Variants in LRRC9 observed in about 807,000 individuals in gnomAD.
LRRC9 encodes the protein leucine-rich repeat-containing protein 9.
A neutral mutation model predicts 63.2 loss-of-function variants in LRRC9; 122 were observed. The observed-to-expected ratio is 1.93, with a 90% CI of 1.67 to 2.24. The LOEUF (loss-of-function observed/expected upper bound fraction) is 2.24, where lower values mean the gene tolerates loss of function less well. LRRC9 is among the 30% of genes most tolerant of loss of function. The pLI is 0.00. For missense variants in LRRC9, 1,071 were observed against 627.7 expected, an observed-to-expected ratio of 1.71 and a Z score of -7.55; for synonymous variants, 366 against 213.1, an observed-to-expected ratio of 1.72 and a Z score of -6.25.
Position 59,942,478 on chromosome 14 carries a change from C to T in LRRC9, c.727-2111C>T, listed in dbSNP as rs1339670890. 6.6e-6 allele frequency among the ~76,000 whole-genome samples: 1 copy of T among 152,086 alleles called. No individual in the cohort carries two copies. ...TTCTACTACCAGCGTATGAGAGTTC[C>T]GTTTTCTGGGCCCAGGTGGGCGGAT... On this transcript the variant is annotated intron_variant, in intron 7 of 31. Transcript: ENST00000445360. The surrounding 1 kb of genome is among the most constrained non-coding windows in gnomAD (Gnocchi z 5.3).
At chr14:60,007,481 G>C (rs1261111449) in intron 22 of LRRC9, among the ~76,000 whole-genome samples, 1 of 152,066 alleles carries the variant, frequency 6.6e-6, no homozygotes, top group African/African-American at 2.4e-5. Flanking sequence ...ATTTCCCTTA[G>C]GATGAATTCC....
chr14:59,951,961 G>T (rs958950330), intron 8 of LRRC9, among the ~76,000 whole-genome samples: 5 of 151,828 alleles, frequency 3.3e-5, no homozygotes, highest in Non-Finnish European at 7.4e-5. Flanking sequence ...TTGTTTGTCT[G>T]TGCCCTGCCC....
In LRRC9 at chr14:60,021,670, G is replaced by A. The variant is rs923774494; in HGVS notation, c.3567-1064G>A. ...AGTTAATGTTTGTGTATGTTGTGAG[G>A]TAGGAGTGAGGTCTAAATCTATTTT... On this transcript the variant is annotated intron_variant, in intron 26 of 31. Coordinates refer to ENST00000445360, the Ensembl canonical transcript of LRRC9. 6.6e-5 allele frequency among the ~76,000 whole-genome samples: 10 copies of A among 151,980 alleles called. No individual in the cohort carries two copies. In the South Asian group the frequency reaches 8.3e-4, roughly 13 times the overall value.
chr14:60,019,096 G>A, intron 25 of LRRC9, 25 bp from the exon 26 acceptor site: 1 of 647,744 alleles, frequency 1.5e-6, no homozygotes, highest in East Asian at 2.8e-5. Context: ...TAGGATTTCT[G>A]ATTAATAAGA....
At chr14:60,002,293 T>A (rs1254511780) in intron 20 of LRRC9, among the ~76,000 whole-genome samples, 193 bp downstream of exon 20, 1 of 152,208 alleles carries the variant, frequency 6.6e-6, no homozygotes, top group Non-Finnish European at 1.5e-5. Context: ...ACCGTATCGT[T>A]AACTTTAGTC....
chr14:59,975,102 CATATATATATGT>C (rs1886029312), intron 13 of LRRC9, among the ~76,000 whole-genome samples: 1 of 9,630 alleles, frequency 1.0e-4, no homozygotes, highest in African/African-American at 1.6e-4. Context: ...TATATATATA[CATATATATATGT>C]ATATATATAT....
chr14:59,967,269 C>T (rs1373059037), intron 12 of LRRC9, 56 bp downstream of exon 12: 4 of 514,194 alleles, frequency 7.8e-6, no homozygotes, highest in African/African-American at 3.8e-5. Flanking sequence ...GGAGCTCTGC[C>T]GCTGGTTAAG....
In LRRC9 at chr14:60,041,104, C is replaced by T. The variant is rs555393266; in HGVS notation, c.3990+9041C>T. Among the ~76,000 whole-genome samples the T allele has an allele frequency of 7.9e-5, 12 of 152,002 alleles. No homozygotes were observed. In the South Asian group the frequency reaches 1.5e-3, roughly 18 times the overall value. ...TATTGGTCCCCACTCTCTTCTGGCT[C>T]GTACAGTTTCTGCTGAGAGATCCAC... On this transcript the variant is annotated intron_variant, in intron 29 of 31. Coordinates refer to ENST00000445360, the Ensembl canonical transcript of LRRC9.
At position 59,919,820 on chromosome 14, in the gene LRRC9, A is replaced by C. The variant is rs939182602; in HGVS notation, c.-97A>C. The C allele has an allele frequency of 1.3e-5, 2 of 152,392 alleles. No homozygotes were observed. The highest frequency in any genetic ancestry group is 1.3e-4 in the Admixed American group (2 of 15,286). 9.4% of individuals were successfully genotyped at this position (152,392 alleles called of 1,614,324 possible). A position where few individuals can be genotyped will look rare whatever the true frequency, so the allele number is the denominator to read the frequency against. ...GAGAGCGAGACTGGAGGAGGTAACGAATAAGTCCCCACCACCTTGCCCATA... is the reference window on the plus strand; with the variant it reads ...GAGAGCGAGACTGGAGGAGGTAACGCATAAGTCCCCACCACCTTGCCCATA... On this transcript the variant is annotated 5_prime_UTR_variant, in exon 1 of 32. Transcript: ENST00000445360. This position sits in a 1 kb window ranked among gnomAD's most constrained non-coding sequence, Gnocchi z 4.5.
At position 59,938,902 on chromosome 14, in the gene LRRC9, T is replaced by C. The variant is rs1483726462; in HGVS notation, c.726+330T>C. On this transcript the variant is annotated intron_variant, in intron 7 of 31. Transcript: ENST00000445360. The surrounding 1 kb of genome is among the most constrained non-coding windows in gnomAD (Gnocchi z 4.2). ...ATACACACATATATACACATATATATACATATATACACATATGCATATATA... is the reference window on the plus strand; with the variant it reads ...ATACACACATATATACACATATATACACATATATACACATATGCATATATA... Among the ~76,000 whole-genome samples, 3 of 117,896 alleles carry C rather than the reference T, an allele frequency of 2.5e-5. No individual in the cohort carries two copies. Among genetic ancestry groups the C allele is most frequent in the South Asian group, 3.0e-4 (1 of 3,324 alleles). 77.3% of individuals were successfully genotyped at this position (117,896 alleles called of 152,430 possible).
chr14:60,062,020 A>T (rs1358805518), intron 31 of LRRC9: 1 of 398,710 alleles, frequency 2.5e-6, no homozygotes, highest in Non-Finnish European at 4.4e-6. Context: ...GACAAAAAAA[A>T]CAAGAATGCT....
At chr14:59,949,175 C>T (rs1397673588) in intron 8 of LRRC9, among the ~76,000 whole-genome samples, 3 of 148,222 alleles carry the variant, frequency 2.0e-5, no homozygotes, top group Admixed American at 2.0e-4. Context: ...TGATTATTGC[C>T]ACAATTTCAG....
intron 26 of LRRC9, among the ~76,000 whole-genome samples, chr14:60,020,264 AT>A (rs1891015844): frequency 6.6e-6 from 1 of 151,806 alleles, no homozygotes; most frequent in Non-Finnish European, 1.5e-5. Flanking sequence ...AGAGTCATTC[AT>A]TTTGTTCCAA....
intron 29 of LRRC9, among the ~76,000 whole-genome samples, chr14:60,033,972 T>C (rs1892203098): frequency 6.6e-6 from 1 of 151,592 alleles, no homozygotes; most frequent in East Asian, 1.9e-4. Flanking sequence ...TCTGAGAAGT[T>C]GTATTATCTA....
rs149271207 is a variant in LRRC9 at position 59,990,574 on chromosome 14, T to TA, written c.2211+5361dup. 0.01 allele frequency among the ~76,000 whole-genome samples: 1,475 copies of TA among 144,436 alleles called. 12 individuals are homozygous for TA. Among genetic ancestry groups the TA allele is most frequent in the Middle Eastern group, 0.042 (12 of 286 alleles). 94.8% of individuals were successfully genotyped at this position (144,436 alleles called of 152,430 possible). A position where few individuals can be genotyped will look rare whatever the true frequency, so the allele number is the denominator to read the frequency against. ...GTGCATGCCACCACACCCTGCTAAT[T>TA]AAAAAAAAAAACAATTTTGTAGAGA... On this transcript the variant is annotated intron_variant, in intron 17 of 31. Coordinates refer to ENST00000445360, the Ensembl canonical transcript of LRRC9. The surrounding 1 kb of genome is among the most constrained non-coding windows in gnomAD (Gnocchi z 4.2).
In LRRC9 at chr14:60,032,081, CTAATT is replaced by C; in HGVS notation, c.3990+21_3990+25del. 1 of 677,120 alleles carries C rather than the reference CTAATT, an allele frequency of 1.5e-6. No homozygotes were observed. Among genetic ancestry groups the C allele is most frequent in the Non-Finnish European group, 2.7e-6 (1 of 375,328 alleles). The allele number at this position is 677,120 out of a possible 1,614,324, so 41.9% of individuals were successfully genotyped here. ...GCAATCCAGTGAGTATGTTACCATT[CTAATT>C]TATTAGTTAATTTACTGGTAGTTTT... On this transcript the variant is annotated intron_variant, in intron 29 of 31. Coordinates refer to ENST00000445360, the Ensembl canonical transcript of LRRC9.
At chr14:60,044,101 C>A (rs1402673269) in intron 29 of LRRC9, among the ~76,000 whole-genome samples, 2 of 151,832 alleles carry the variant, frequency 1.3e-5, no homozygotes, top group African/African-American at 4.8e-5. Flanking sequence ...GAGTATAGTT[C>A]ATAATAGTCT....
chr14:59,925,344 C>T (rs1260598211), intron 1 of LRRC9, among the ~76,000 whole-genome samples: 1 of 152,192 alleles, frequency 6.6e-6, no homozygotes, highest in Non-Finnish European at 1.5e-5. Context: ...CTGGTGTCTG[C>T]TTCCACGATG....
Position 59,966,687 on chromosome 14 carries a change from T to G in LRRC9, c.1310T>G (p.Val437Gly). The G allele has an allele frequency of 1.4e-6, 1 of 697,964 alleles. No individual in the cohort carries two copies. Among genetic ancestry groups the G allele is most frequent in the Non-Finnish European group, 2.6e-6 (1 of 382,688 alleles). 43.2% of individuals were successfully genotyped at this position (697,964 alleles called of 1,614,324 possible). ...GTAAAAGTAAAACGCATCATTAAAG[T>G]TAACAACCGTATTCTGAGACTAAAA... Residue 437 changes from valine (V) to glycine (G), a missense_variant, in exon 11 of 32, where the codon GTT (valine) becomes GGT (glycine). Transcript: ENST00000445360. The surrounding 1 kb of genome is among the most constrained non-coding windows in gnomAD (Gnocchi z 4.0).
Sources: gnomAD v4.1 joint callset for allele counts (sites outside exome capture counted in the v4.1 genomes callset) on GRCh38, gnomAD v4.1.1 for gene constraint, Gnocchi (gnomAD v3.1) non-coding constraint, MANE v1.5 for transcripts, NCBI Gene and HGNC (gene_info 2026-07-23, HGNC 2026-07-21) for gene names.